Variants in ATP13A3 observed in about 807,000 individuals in gnomAD.
The protein encoded by ATP13A3 is ATPase 13A3.
ATP13A3 carries 59 observed loss-of-function variants against 158.1 expected under a neutral mutation model. The ratio of observed to expected loss-of-function variants is 0.37; its 90% CI spans 0.30 to 0.46. The LOEUF (loss-of-function observed/expected upper bound fraction) is 0.46. Ranked by LOEUF, ATP13A3 falls within the 20% of genes least tolerant of loss-of-function variation. The pLI is 1.00. For missense variants in ATP13A3, 1,166 were observed against 1,525.2 expected (o/e 0.76, Z 3.92); for synonymous variants, 491 against 504.3 (o/e 0.97, Z 0.35).
Position 194,459,793 on chromosome 3 carries a change from T to C in ATP13A3, c.404A>G (p.Gln135Arg), listed in dbSNP as rs374725022. Reference sequence around the variant, plus strand: ...TTGACATTAAGATCACAATACCTGTTGTGATTCAGTCTGTGAATATTTACT... The same window carrying C: ...TTGACATTAAGATCACAATACCTGTCGTGATTCAGTCTGTGAATATTTACT... ...RISKYSQTES[Q>R]QIRYFTHHSV... is the part of the protein sequence containing the mutation. The change falls in exon 5 of 34, where the codon CAA becomes CGA. Residue 135 changes from glutamine (Q) to arginine (R), a missense_variant. Transcript: ENST00000645319. 1.9e-6 allele frequency: 3 copies of C among 1,608,782 alleles called. No individual in the cohort carries two copies. Among genetic ancestry groups the C allele is most frequent in the African/African-American group, 1.3e-5 (1 of 74,916 alleles).
At chr3:194,464,150 G>C (rs1344758795) in intron 2 of ATP13A3, among the ~76,000 whole-genome samples, 1 of 152,170 alleles carries the variant, frequency 6.6e-6, no homozygotes, top group East Asian at 1.9e-4. Flanking sequence ...GACAGAGAAA[G>C]ACTCCATCTC....
intron 30 of ATP13A3, among the ~76,000 whole-genome samples, chr3:194,422,766 C>A (rs6437465): frequency 0.025 from 3,810 of 151,636 alleles, 57 homozygotes; most frequent in Middle Eastern, 0.034. Flanking sequence ...ATATTTACCC[C>A]AATATATATC....
chr3:194,435,947 G>A (rs1325666837), intron 20 of ATP13A3, among the ~76,000 whole-genome samples: 1 of 152,132 alleles, frequency 6.6e-6, no homozygotes, highest in African/African-American at 2.4e-5. Context: ...AGTAATTAGT[G>A]TTTATGGGGG....
chr3:194,482,443 A>G (rs1037053293), intron 2 of ATP13A3, among the ~76,000 whole-genome samples: 1 of 152,182 alleles, frequency 6.6e-6, no homozygotes, highest in East Asian at 1.9e-4. Context: ...TTATCTAGTG[A>G]TAACTGATTA....
intron 6 of ATP13A3, among the ~76,000 whole-genome samples, chr3:194,457,487 T>A (rs1052666946): frequency 6.6e-6 from 1 of 152,202 alleles, no homozygotes. Flanking sequence ...AAAGCTGTAA[T>A]AGCTAAAATT....
chr3:194,460,127 T>C (rs1719542485), intron 4 of ATP13A3, among the ~76,000 whole-genome samples, 156 bp from the exon 5 acceptor site: 1 of 152,182 alleles, frequency 6.6e-6, no homozygotes, highest in Non-Finnish European at 1.5e-5. Context: ...TTCATGAGGA[T>C]GCTTAAATTC....
At chr3:194,426,777 C>G (rs1165391293) in intron 29 of ATP13A3, among the ~76,000 whole-genome samples, 4 of 152,060 alleles carry the variant, frequency 2.6e-5, no homozygotes, top group African/African-American at 9.7e-5. Context: ...TCTCCTGCCT[C>G]AAGCCTCCCA....
chr3:194,426,287 TCAAG>T (rs1440456116), intron 29 of ATP13A3, among the ~76,000 whole-genome samples: 1 of 152,128 alleles, frequency 6.6e-6, no homozygotes. Flanking sequence ...TATCCCTCAG[TCAAG>T]CAAACTAGAA....
At chr3:194,424,958 C>T (rs193032343) in intron 30 of ATP13A3, among the ~76,000 whole-genome samples, 1 of 152,188 alleles carries the variant, frequency 6.6e-6, no homozygotes, top group Non-Finnish European at 1.5e-5. Context: ...CCTCTGTCTC[C>T]GCTTCCATTC....
chr3:194,441,241 T>A, intron 16 of ATP13A3, 70 bp downstream of exon 16: 1 of 1,268,200 alleles, frequency 7.9e-7, no homozygotes, highest in Admixed American at 2.0e-5. Flanking sequence ...AAATAATCCT[T>A]GTATGAGGTA....
chr3:194,422,477 T>C (rs1383801146), intron 30 of ATP13A3, among the ~76,000 whole-genome samples: 1 of 152,180 alleles, frequency 6.6e-6, no homozygotes, highest in Non-Finnish European at 1.5e-5. Context: ...CACAAAGCTA[T>C]GTGAATCTAA....
chr3:194,485,747 T>C (rs1321967259), intron 2 of ATP13A3, 47 bp downstream of exon 2: 1 of 152,230 alleles, frequency 6.6e-6, no homozygotes, highest in Non-Finnish European at 1.5e-5. Flanking sequence ...AATATAGCTC[T>C]AAGACACTGA....
chr3:194,432,086 A>G (rs1717265978), intron 21 of ATP13A3, 194 bp from the exon 22 acceptor site: 3 of 489,904 alleles, frequency 6.1e-6, no homozygotes, highest in Non-Finnish European at 7.0e-6. Context: ...CAAATAACGC[A>G]AGCACGTTAT....
At chr3:194,439,695 TG>T (rs952255540) in intron 16 of ATP13A3, among the ~76,000 whole-genome samples, 40 of 152,328 alleles carry the variant, frequency 2.6e-4, no homozygotes, top group African/African-American at 9.6e-4. Flanking sequence ...TTGTATCATA[TG>T]ACACCAATCA....
chr3:194,492,837 A>G (rs1721161851), intron 2 of ATP13A3, among the ~76,000 whole-genome samples: 2 of 152,272 alleles, frequency 1.3e-5, no homozygotes, highest in African/African-American at 2.4e-5. Context: ...TAGTATTTTT[A>G]TTGTGTTGTT....
At chr3:194,421,552 C>CAAA (rs34760027) in intron 30 of ATP13A3, among the ~76,000 whole-genome samples, 3 of 71,864 alleles carry the variant, frequency 4.2e-5, no homozygotes, top group Non-Finnish European at 6.0e-5. Context: ...GACTCCATCT[C>CAAA]AAAAAAAAAA....
chr3:194,442,107 G>A (rs932212840), intron 15 of ATP13A3, among the ~76,000 whole-genome samples: 1 of 152,154 alleles, frequency 6.6e-6, no homozygotes, highest in East Asian at 1.9e-4. Context: ...AGCAGAGCAA[G>A]GATTGAAACA....
At chr3:194,491,171 G>A (rs1043847105), upstream of ATP13A3, among the ~76,000 whole-genome samples, 1 of 152,080 alleles carries the variant, frequency 6.6e-6, no homozygotes, top group Non-Finnish European at 1.5e-5. Flanking sequence ...TATGCCTGCA[G>A]CCCAGGCCAC....
intron 2 of ATP13A3, among the ~76,000 whole-genome samples, chr3:194,475,964 T>C (rs1435749255): frequency 6.6e-6 from 1 of 152,194 alleles, no homozygotes; most frequent in East Asian, 1.9e-4. Context: ...CAAAAAGCCT[T>C]ACCAACAAAT....
Sources: gnomAD v4.1 joint callset for allele counts (sites outside exome capture counted in the v4.1 genomes callset) on GRCh38, gnomAD v4.1.1 for gene constraint, MANE v1.5 for transcripts, NCBI Gene and HGNC (gene_info 2026-07-23, HGNC 2026-07-21) for gene names.